SH3GL3: variants seen among roughly 807,000 people sequenced by gnomAD.
The protein encoded by SH3GL3 is endophilin-A3.
Under a neutral mutation model 47.7 loss-of-function variants are expected in SH3GL3, and 33 were observed. The ratio of observed to expected loss-of-function variants is 0.69; its 90% CI spans 0.52 to 0.92. The LOEUF is 0.92. SH3GL3 is among the 40% of genes least tolerant of loss of function. The probability of loss-of-function intolerance (pLI) is 0.00; values close to 1 mark genes in which losing one functional copy is unlikely to be tolerated. For missense variants in SH3GL3, 363 were observed against 417.8 expected, an observed-to-expected ratio of 0.87 and a Z score of 1.14; for synonymous variants, 155 against 148.8, an observed-to-expected ratio of 1.04 and a Z score of -0.30.
chr15:83,580,100 T>C (rs2059792760), intron 6 of SH3GL3, among the ~76,000 whole-genome samples: 1 of 152,216 alleles, frequency 6.6e-6, no homozygotes, highest in African/African-American at 2.4e-5. Context: ...CCAGAGCTGG[T>C]GGCCTTGTAG....
At chr15:83,463,871 C>T (rs1048773772) in intron 1 of SH3GL3, among the ~76,000 whole-genome samples, 14 of 150,068 alleles carry the variant, frequency 9.3e-5, no homozygotes, top group East Asian at 4.0e-4. Context: ...CGGGTTCAAG[C>T]GATTCTCCAG....
chr15:83,584,046 A>G (rs1012239624), intron 6 of SH3GL3, among the ~76,000 whole-genome samples: 1 of 152,230 alleles, frequency 6.6e-6, no homozygotes, highest in Non-Finnish European at 1.5e-5. Context: ...TTAAAGCAAC[A>G]CACATTTATT....
At chr15:83,462,982 C>T (rs1482506434) in intron 1 of SH3GL3, among the ~76,000 whole-genome samples, 1 of 152,088 alleles carries the variant, frequency 6.6e-6, no homozygotes, top group African/African-American at 2.4e-5. Flanking sequence ...AATCTTTCTC[C>T]AAAGAAAGAT....
intron 1 of SH3GL3, among the ~76,000 whole-genome samples, chr15:83,449,436 C>T (rs564631931): frequency 6.6e-6 from 1 of 152,332 alleles, no homozygotes; most frequent in African/African-American, 2.4e-5. Flanking sequence ...GTTACATTGG[C>T]TTCCTTAGCA....
intron 2 of SH3GL3, among the ~76,000 whole-genome samples, chr15:83,560,759 A>C (rs1267997571): frequency 6.6e-6 from 1 of 152,200 alleles, no homozygotes. Flanking sequence ...TATTAGACCC[A>C]CCTAATAAAT....
chr15:83,573,829 C>A (rs929460841), intron 5 of SH3GL3, among the ~76,000 whole-genome samples: 3 of 152,226 alleles, frequency 2.0e-5, no homozygotes, highest in African/African-American at 7.2e-5. Flanking sequence ...GGGCACTGGC[C>A]ATATGTGGCT....
chr15:83,571,626 C>G (rs932556389), intron 4 of SH3GL3, among the ~76,000 whole-genome samples: 1 of 151,834 alleles, frequency 6.6e-6, no homozygotes, highest in African/African-American at 2.4e-5. Context: ...CTCTATTTTA[C>G]AGGTAATTAA....
intron 1 of SH3GL3, among the ~76,000 whole-genome samples, chr15:83,524,983 C>G (rs893083701): frequency 4.6e-5 from 7 of 152,066 alleles, no homozygotes; most frequent in African/African-American, 1.7e-4. Flanking sequence ...GTGCATGTAT[C>G]TCTTTGATAT....
At chr15:83,542,265 A>C (rs544916308) in intron 1 of SH3GL3, among the ~76,000 whole-genome samples, 3 of 152,270 alleles carry the variant, frequency 2.0e-5, no homozygotes, top group African/African-American at 7.2e-5. Context: ...ACCTTTGTTG[A>C]AAAGGATTTC....
At chr15:83,532,804 T>C (rs1025043108) in intron 1 of SH3GL3, among the ~76,000 whole-genome samples, 7 of 152,224 alleles carry the variant, frequency 4.6e-5, no homozygotes, top group African/African-American at 1.4e-4. Context: ...CTCAAGCTGA[T>C]TGATGCAGCC....
intron 1 of SH3GL3, among the ~76,000 whole-genome samples, chr15:83,482,617 C>T (rs963841332): frequency 3.9e-5 from 6 of 152,048 alleles, no homozygotes; most frequent in African/African-American, 7.2e-5. Flanking sequence ...CCTCAGCCTC[C>T]GGAGTAGCTG....
chr15:83,536,102 T>C (rs1215551419), intron 1 of SH3GL3, among the ~76,000 whole-genome samples: 9 of 152,222 alleles, frequency 5.9e-5, no homozygotes, highest in Admixed American at 4.6e-4. Context: ...CAGCTACTAA[T>C]TTCTATGTGT....
intron 1 of SH3GL3, among the ~76,000 whole-genome samples, chr15:83,485,743 C>T (rs747678147): frequency 3.3e-4 from 50 of 152,270 alleles, no homozygotes; most frequent in South Asian, 6.2e-4. Context: ...GCCATCCTCC[C>T]GCCTTGGCCT....
intron 1 of SH3GL3, among the ~76,000 whole-genome samples, chr15:83,459,248 G>T (rs561324401): frequency 6.6e-6 from 1 of 152,170 alleles, no homozygotes; most frequent in African/African-American, 2.4e-5. Flanking sequence ...CCAGATTGAG[G>T]GTGGGTCTGC....
intron 1 of SH3GL3, among the ~76,000 whole-genome samples, chr15:83,528,861 TA>T (rs2043539104): frequency 6.6e-6 from 1 of 152,338 alleles, no homozygotes; most frequent in East Asian, 1.9e-4. Context: ...GGAGGTGTCA[TA>T]TTTCCTTGCT....
At chr15:83,614,719 C>G (rs2060768038) in intron 8 of SH3GL3, among the ~76,000 whole-genome samples, 1 of 152,168 alleles carries the variant, frequency 6.6e-6, no homozygotes, top group Admixed American at 6.5e-5. Context: ...CTGGGGAGCT[C>G]CGCTGATGAA....
intron 8 of SH3GL3, among the ~76,000 whole-genome samples, chr15:83,609,693 G>A (rs1229097402): frequency 1.3e-5 from 2 of 152,158 alleles, no homozygotes; most frequent in African/African-American, 2.4e-5. Flanking sequence ...TCCTTCGGTG[G>A]TCTGAAAAGA....
At chr15:83,461,131 G>C (rs1277134345) in intron 1 of SH3GL3, among the ~76,000 whole-genome samples, 4 of 150,158 alleles carry the variant, frequency 2.7e-5, no homozygotes, top group African/African-American at 7.3e-5. Flanking sequence ...AAATTTCCTT[G>C]TTAATTGTTT....
chr15:83,590,514 C>G (rs546457718), intron 8 of SH3GL3, among the ~76,000 whole-genome samples: 40 of 152,266 alleles, frequency 2.6e-4, no homozygotes, highest in African/African-American at 9.6e-4. Context: ...CAGAGTTGTG[C>G]TACCATTTCA....
Sources: gnomAD v4.1 joint callset for allele counts (sites outside exome capture counted in the v4.1 genomes callset) on GRCh38, gnomAD v4.1.1 for gene constraint, MANE v1.5 for transcripts, NCBI Gene and HGNC (gene_info 2026-07-23, HGNC 2026-07-21) for gene names.